CNTN5: variants seen among roughly 807,000 people sequenced by gnomAD.
The protein encoded by CNTN5 is contactin 5.
Under a neutral mutation model 129.1 loss-of-function variants are expected in CNTN5, and 77 were observed. That is an observed-to-expected ratio of 0.60 (90% confidence interval 0.50 to 0.72). The LOEUF is 0.72. Among genes scored for constraint, CNTN5 ranks in the 30% least tolerant of loss-of-function variants. The pLI is 0.00. For synonymous variants in CNTN5, 509 were observed against 465.6 expected (o/e 1.09, Z -1.20); for missense variants, 1,478 against 1,328.8 (o/e 1.11, Z -1.75).
intron 1 of CNTN5, among the ~76,000 whole-genome samples, chr11:99,164,599 T>G (rs1281755988): frequency 1.3e-5 from 2 of 152,134 alleles, no homozygotes; most frequent in Non-Finnish European, 2.9e-5. Context: ...AAATTCAGAG[T>G]AAAATTATTT....
chr11:100,190,892 T>C (rs1984684), intron 13 of CNTN5, among the ~76,000 whole-genome samples: 32,489 of 151,974 alleles, frequency 0.21, 4,595 homozygotes, highest in East Asian at 0.55. Flanking sequence ...TCAAAAAATG[T>C]CAAAAGAAAA....
At chr11:99,246,322 T>A (rs1270075428) in intron 1 of CNTN5, among the ~76,000 whole-genome samples, 3 of 152,128 alleles carry the variant, frequency 2.0e-5, no homozygotes, top group Non-Finnish European at 4.4e-5. Flanking sequence ...TCTGATTATA[T>A]AATAACTGGC....
At chr11:100,348,246 TCTCATG>T (rs1952331024) in intron 23 of CNTN5, among the ~76,000 whole-genome samples, 1 of 152,064 alleles carries the variant, frequency 6.6e-6, no homozygotes, top group African/African-American at 2.4e-5. Context: ...TAGTTCTCAT[TCTCATG>T]CATCTTTTCT....
rs185791906 is a variant in CNTN5, at chr11:99,107,702, C to T, written c.-210+86432C>T. Among the ~76,000 whole-genome samples the T allele has an allele frequency of 2.1e-3, 322 of 151,896 alleles. 2 individuals carry two copies. Among genetic ancestry groups the T allele is most frequent in the African/African-American group, 7.5e-3 (309 of 41,428 alleles). ...ATCTCAGCACTCTGGGAGGCTGAGG[C>T]GGGCAGATCATGAGGTCAGGAGATT... On this transcript the variant is annotated intron_variant, in intron 1 of 24. Coordinates refer to ENST00000524871, the MANE Select transcript of CNTN5 (RefSeq NM_014361.4).
chr11:100,118,107 C>G (rs1945898451), intron 13 of CNTN5, among the ~76,000 whole-genome samples: 1 of 151,176 alleles, frequency 6.6e-6, no homozygotes, highest in South Asian at 2.1e-4. Flanking sequence ...AAGATAATAT[C>G]TAACGTCAAA....
chr11:99,538,318 C>A (rs1947975164), intron 2 of CNTN5, among the ~76,000 whole-genome samples: 1 of 151,994 alleles, frequency 6.6e-6, no homozygotes, highest in South Asian at 2.1e-4. Context: ...TATTTAGTTG[C>A]CCCCTTCCCT....
At chr11:99,833,272 A>T (rs1947203085) in intron 4 of CNTN5, among the ~76,000 whole-genome samples, 1 of 152,120 alleles carries the variant, frequency 6.6e-6, no homozygotes, top group African/African-American at 2.4e-5. Flanking sequence ...CTAGGACAGG[A>T]CTCTATAAAG....
intron 13 of CNTN5, among the ~76,000 whole-genome samples, chr11:100,090,512 TCCCTCCC>T (rs1944728473): frequency 3.0e-5 from 1 of 33,800 alleles, no homozygotes. Flanking sequence ...CCTCCCTCCC[TCCCTCCC>T]TCCCTCCCTT....
intron 3 of CNTN5, among the ~76,000 whole-genome samples, chr11:99,804,325 C>T (rs1000628374): frequency 6.6e-6 from 1 of 151,962 alleles, no homozygotes; most frequent in Non-Finnish European, 1.5e-5. Flanking sequence ...ACAGAGAAAA[C>T]CTTAATGTCA....
intron 1 of CNTN5, among the ~76,000 whole-genome samples, chr11:99,196,650 G>A (rs1426987018): frequency 6.6e-6 from 1 of 151,460 alleles, no homozygotes; most frequent in Non-Finnish European, 1.5e-5. Context: ...TTTTTTTCCT[G>A]AACTTTCCTT....
Position 99,924,217 on chromosome 11 carries a change from T to G in CNTN5, c.673+8068T>G, listed in dbSNP as rs185612902. ...TGAACATTTTTACATGGTTGCTGGC[T>G]GCTTGTATGTTTTCTTTTGAGAAGT... On this transcript the variant is annotated intron_variant, in intron 7 of 24. Coordinates refer to ENST00000524871, the MANE Select transcript of CNTN5 (RefSeq NM_014361.4). 2.3e-3 allele frequency among the ~76,000 whole-genome samples: 347 copies of G among 152,346 alleles called. 2 individuals carry two copies. The highest frequency in any genetic ancestry group is 7.9e-3 in the African/African-American group (330 of 41,590).
chr11:100,313,357 G>A (rs1368230559), intron 21 of CNTN5, among the ~76,000 whole-genome samples: 1 of 151,634 alleles, frequency 6.6e-6, no homozygotes, highest in Non-Finnish European at 1.5e-5. Context: ...GGCAGGGCTG[G>A]CAGGATTTGC....
chr11:99,639,350 G>A (rs1453051212), intron 3 of CNTN5, among the ~76,000 whole-genome samples: 1 of 152,158 alleles, frequency 6.6e-6, no homozygotes, highest in African/African-American at 2.4e-5. Flanking sequence ...GAAGCTCTCT[G>A]ACATGGCCTG....
chr11:100,261,963 T>C (rs1950207556), intron 17 of CNTN5, among the ~76,000 whole-genome samples: 2 of 152,134 alleles, frequency 1.3e-5, no homozygotes. Flanking sequence ...CTAATTAAAC[T>C]AAAGATCTTC....
intron 3 of CNTN5, among the ~76,000 whole-genome samples, chr11:99,798,080 A>C (rs992938236): frequency 3.3e-5 from 5 of 152,108 alleles, no homozygotes; most frequent in African/African-American, 9.7e-5. Context: ...AGTACACATT[A>C]GTTATTTTTC....
intron 3 of CNTN5, among the ~76,000 whole-genome samples, chr11:99,576,150 C>T (rs934792240): frequency 1.3e-5 from 2 of 152,168 alleles, no homozygotes; most frequent in South Asian, 2.1e-4. Context: ...CGAAGCACCA[C>T]GGCAAGCCTG....
At chr11:99,238,250 C>A (rs1861376786) in intron 1 of CNTN5, among the ~76,000 whole-genome samples, 1 of 152,040 alleles carries the variant, frequency 6.6e-6, no homozygotes, top group Non-Finnish European at 1.5e-5. Context: ...AAGCAAAAGT[C>A]AATTTGGCTT....
Position 100,212,023 on chromosome 11 carries a change from T to G in CNTN5, c.1885-12669T>G, listed in dbSNP as rs577588575. The stretch of plus-strand genomic sequence containing the variant: ...TCCCCCTACTTTTATCTCCCCATAA[T>G]GGCATCTATCACACCCAGTTTAGTT... On this transcript the variant is annotated intron_variant, in intron 15 of 24. Transcript: ENST00000524871. Among the ~76,000 whole-genome samples, 156 of 152,268 alleles carry G rather than the reference T, an allele frequency of 1.0e-3. 1 individual carries two copies. The highest frequency in any genetic ancestry group is 3.4e-3 in the Middle Eastern group (1 of 294).
intron 21 of CNTN5, among the ~76,000 whole-genome samples, chr11:100,327,396 G>A (rs1025160209): frequency 6.6e-6 from 1 of 152,196 alleles, no homozygotes; most frequent in Admixed American, 6.5e-5. Flanking sequence ...CTGCACACAG[G>A]ATGCCTCTGC....
Sources: allele counts gnomAD v4.1 joint callset (sites outside exome capture counted in the v4.1 genomes callset), GRCh38; gene constraint gnomAD v4.1.1; transcripts MANE v1.5; gene names NCBI Gene and HGNC (gene_info 2026-07-23, HGNC 2026-07-21).